The following GLMN variants were observed in gnomAD, a reference collection of about 807,000 sequenced individuals.
The protein encoded by GLMN is glomulin.
Under a neutral mutation model 87.8 loss-of-function variants are expected in GLMN, and 75 were observed. The ratio of observed to expected loss-of-function variants is 0.85; its 90% CI spans 0.71 to 1.04. The LOEUF (loss-of-function observed/expected upper bound fraction) is 1.04. Among genes scored for constraint, GLMN ranks in the 50% least tolerant of loss-of-function variants. GLMN has a pLI of 0.00. For synonymous variants in GLMN, 206 were observed against 221.6 expected, an observed-to-expected ratio of 0.93 and a Z score of 0.63; for missense variants, 588 against 658.8, an observed-to-expected ratio of 0.89 and a Z score of 1.18.
At chr1:92,247,841 T>C in intron 17 of GLMN, 37 bp downstream of exon 17, 1 of 811,572 alleles carries the variant, frequency 1.2e-6, no homozygotes, top group South Asian at 1.3e-5. Context: ...AGACTACTTT[T>C]TAGACCTAAT....
chr1:92,304,284 G>A, the GLMN span: 6 of 1,452,584 alleles, frequency 4.1e-6, no homozygotes, highest in Middle Eastern at 1.8e-4. Flanking sequence ...TTTTCTTTAG[G>A]TACCAAAACA....
chr1:92,287,973 C>A (rs1488506281), intron 6 of GLMN, among the ~76,000 whole-genome samples: 2 of 150,548 alleles, frequency 1.3e-5, no homozygotes, highest in East Asian at 3.9e-4. Flanking sequence ...TTATCTTAAC[C>A]CAGTATATCT....
At chr1:92,367,076 G>T in the GLMN span, among the ~76,000 whole-genome samples, 2 of 152,200 alleles carry the variant, frequency 1.3e-5, no homozygotes, top group Admixed American at 1.3e-4. Flanking sequence ...AGATACCTTT[G>T]TGATAAAGGT....
chr1:92,293,867 T>C (rs951099946), intron 3 of GLMN, among the ~76,000 whole-genome samples: 1 of 152,076 alleles, frequency 6.6e-6, no homozygotes, highest in African/African-American at 2.4e-5. Context: ...CAGAAAAACA[T>C]TGAACGTTCT....
intron 14 of GLMN, 29 bp from the exon 15 acceptor site, chr1:92,263,761 C>T: frequency 1.9e-6 from 2 of 1,033,272 alleles, no homozygotes; most frequent in Non-Finnish European, 3.1e-6. Flanking sequence ...ATTGAGAAAG[C>T]TTTATAATTC....
At chr1:92,353,873 T>C in the GLMN span, among the ~76,000 whole-genome samples, 1 of 152,192 alleles carries the variant, frequency 6.6e-6, no homozygotes, top group Non-Finnish European at 1.5e-5. Context: ...AAAGAAATAA[T>C]ACTTGTTCAA....
the GLMN span, among the ~76,000 whole-genome samples, chr1:92,349,009 T>G: frequency 3.3e-5 from 5 of 152,240 alleles, no homozygotes; most frequent in Non-Finnish European, 5.9e-5. Flanking sequence ...ACGTTATTTG[T>G]GGAGAAGTAA....
upstream of GLMN, chr1:92,299,165 TC>T: frequency 6.8e-7 from 1 of 1,466,524 alleles, no homozygotes; most frequent in South Asian, 1.3e-5. Context: ...AAGGATCTCT[TC>T]CCACTTTTGG....
At chr1:92,356,995 A>G in the GLMN span, among the ~76,000 whole-genome samples, 2 of 151,688 alleles carry the variant, frequency 1.3e-5, no homozygotes, top group African/African-American at 4.8e-5. Flanking sequence ...GAACTCAGGA[A>G]GCAGAGGTTG....
the GLMN span, among the ~76,000 whole-genome samples, chr1:92,359,764 C>G: frequency 6.6e-6 from 1 of 152,096 alleles, no homozygotes; most frequent in African/African-American, 2.4e-5. Flanking sequence ...AATCAGAGAC[C>G]TAGATTTTAG....
the GLMN span, among the ~76,000 whole-genome samples, chr1:92,308,129 A>C: frequency 6.6e-6 from 1 of 152,138 alleles, no homozygotes; most frequent in Non-Finnish European, 1.5e-5. Flanking sequence ...AGGCGATGTA[A>C]CACCACTCTC....
chr1:92,262,899 C>A lies in GLMN; in HGVS notation c.1437G>T (p.Arg479Ser). The A allele has an allele frequency of 8.6e-7, 1 of 1,168,798 alleles. No homozygotes were observed. Among genetic ancestry groups the A allele is most frequent in the East Asian group, 2.4e-5 (1 of 42,052 alleles). 72.4% of individuals were successfully genotyped at this position (1,168,798 alleles called of 1,614,324 possible). Residue 479 changes from arginine to serine, a missense_variant, in exon 16 of 19, where the codon AGG becomes AGT. By Grantham distance (110) the Arg-to-Ser change is moderately radical. Coordinates refer to ENST00000370360, the MANE Select transcript of GLMN (RefSeq NM_053274.3). ...DRIMASLNLL[R>S]YLVIKDNEND... The stretch of plus-strand genomic sequence containing the variant: ...TTTCATTATCTTTGATAACCAAATA[C>A]CTCAATAAATTTAATGAAGCCATAA...
intron 16 of GLMN, among the ~76,000 whole-genome samples, chr1:92,256,330 A>G (rs1654243440): frequency 6.6e-6 from 1 of 152,180 alleles, no homozygotes; most frequent in African/African-American, 2.4e-5. Context: ...AGGTACAAAG[A>G]GGAGGTGGTA....
chr1:92,272,548 C>G (rs114829346), intron 7 of GLMN, among the ~76,000 whole-genome samples: 1 of 152,010 alleles, frequency 6.6e-6, no homozygotes, highest in African/African-American at 2.4e-5. Flanking sequence ...CAATCTGAAA[C>G]GTGAGACATA....
intron 7 of GLMN, among the ~76,000 whole-genome samples, chr1:92,280,916 G>A (rs2100987341): frequency 6.6e-6 from 1 of 152,212 alleles, no homozygotes; most frequent in African/African-American, 2.4e-5. Flanking sequence ...CAAGATTAGA[G>A]AAAAAAGAGT....
At chr1:92,326,061 G>C in the GLMN span, among the ~76,000 whole-genome samples, 1 of 151,604 alleles carries the variant, frequency 6.6e-6, no homozygotes, top group Non-Finnish European at 1.5e-5. Flanking sequence ...GGAATGGTGG[G>C]TTATCGTATA....
At chr1:92,274,971 G>A (rs1265332175) in intron 7 of GLMN, among the ~76,000 whole-genome samples, 2 of 152,158 alleles carry the variant, frequency 1.3e-5, no homozygotes, top group African/African-American at 4.8e-5. Flanking sequence ...TCCTTCAGCA[G>A]TATCTACCCA....
intron 16 of GLMN, among the ~76,000 whole-genome samples, chr1:92,262,562 T>G (rs1655171830): frequency 1.3e-5 from 2 of 152,234 alleles, no homozygotes; most frequent in South Asian, 4.1e-4. Flanking sequence ...AGACACCATA[T>G]GTACGTTGAG....
chr1:92,327,162 A>G, the GLMN span, among the ~76,000 whole-genome samples: 1 of 152,238 alleles, frequency 6.6e-6, no homozygotes, highest in Non-Finnish European at 1.5e-5. Context: ...CTCAGACCAC[A>G]GTGGAATTTT....
Sources: allele counts gnomAD v4.1 joint callset (sites outside exome capture counted in the v4.1 genomes callset), GRCh38; gene constraint gnomAD v4.1.1; transcripts MANE v1.5; gene names NCBI Gene and HGNC (gene_info 2026-07-23, HGNC 2026-07-21).